SAAL1: variants seen among roughly 807,000 people sequenced by gnomAD.
SAAL1 encodes protein SAAL1.
In SAAL1, 42 loss-of-function variants were observed where a neutral mutation model predicts 59.8. The ratio of observed to expected loss-of-function variants is 0.70; its 90% CI spans 0.55 to 0.91. The LOEUF is 0.91. Ranked by LOEUF, SAAL1 falls within the 40% of genes least tolerant of loss-of-function variation. The probability of loss-of-function intolerance (pLI) is 0.00; values close to 1 mark genes in which losing one functional copy is unlikely to be tolerated. For synonymous variants in SAAL1, 191 were observed against 194.3 expected (o/e 0.98, Z 0.14); for missense variants, 542 against 561.1 (o/e 0.97, Z 0.34).
intron 10 of SAAL1, among the ~76,000 whole-genome samples, chr11:18,082,443 T>C (rs1227341711): frequency 6.6e-6 from 1 of 151,072 alleles, no homozygotes; most frequent in Non-Finnish European, 1.5e-5. Flanking sequence ...CATTTTCACA[T>C]ATAAATAGCA....
chr11:18,099,540 G>C (rs1258231126), intron 2 of SAAL1, among the ~76,000 whole-genome samples: 1 of 152,160 alleles, frequency 6.6e-6, no homozygotes, highest in South Asian at 2.1e-4. Flanking sequence ...GATAAAGCGG[G>C]CTACTTTAGA....
chr11:18,082,162 A>T (rs1435070120), intron 10 of SAAL1, among the ~76,000 whole-genome samples: 1 of 152,196 alleles, frequency 6.6e-6, no homozygotes, highest in African/African-American at 2.4e-5. Context: ...AGAAATATCG[A>T]TGTCCCTTGC....
rs1408137773 is a variant in SAAL1, at chr11:18,106,009, A to T, written c.33T>A (p.Gly11=). The T allele has an allele frequency of 6.3e-7, 1 of 1,591,824 alleles. No individual in the cohort carries two copies. Among genetic ancestry groups the T allele is most frequent in the African/African-American group, 1.3e-5 (1 of 74,618 alleles). ...CCTCCTCCTCCTCCTCCTTGTCGCG[A>T]CCCGGCGGCGGCGGCGAGGGGTTGC... is the stretch of plus-strand genomic sequence containing the variant. MDRNPSPPPP[G]RDKEEEEEVA... Residue 11 remains glycine, a synonymous_variant, in exon 1 of 12, where the codon GGT becomes GGA. Transcript: ENST00000524803.
chr11:18,105,992 T>A lies in SAAL1; in HGVS notation c.50A>T (p.Glu17Val). 1 of 1,609,816 alleles carries A rather than the reference T, an allele frequency of 6.2e-7. No homozygotes were observed. Reference protein sequence around the residue: ...PPPPGRDKEEEEEVAGGDCIG... With the variant: ...PPPPGRDKEEVEEVAGGDCIG... The stretch of plus-strand genomic sequence containing the variant: ...GCAGTCTCCACCGGCCACCTCCTCC[T>A]CCTCCTCCTTGTCGCGACCCGGCGG... Residue 17 changes from glutamate to valine, a missense_variant, in exon 1 of 12, where the codon GAG (glutamate) becomes GTG (valine). Transcript: ENST00000524803.
chr11:18,103,828 G>A (rs1848660924), intron 1 of SAAL1, among the ~76,000 whole-genome samples: 1 of 152,206 alleles, frequency 6.6e-6, no homozygotes, highest in Non-Finnish European at 1.5e-5. Context: ...TGGTAGGAAA[G>A]TGCTCAGTAA....
At chr11:18,084,907 AG>A (rs1848447166) in intron 9 of SAAL1, among the ~76,000 whole-genome samples, 1 of 152,144 alleles carries the variant, frequency 6.6e-6, no homozygotes, top group South Asian at 2.1e-4. Flanking sequence ...CTGAGATTAC[AG>A]GCATGCGTCA....
intron 9 of SAAL1, among the ~76,000 whole-genome samples, chr11:18,084,154 T>C (rs568482570): frequency 6.6e-6 from 1 of 152,324 alleles, no homozygotes; most frequent in East Asian, 1.9e-4. Flanking sequence ...CTGAGCAATA[T>C]GGTGAAACCG....
Position 18,083,657 on chromosome 11 carries a change from A to G in SAAL1, c.1117T>C (p.Ser373Pro), listed in dbSNP as rs531706343. The G allele has an allele frequency of 6.6e-5, 107 of 1,611,692 alleles. No homozygotes were observed. The highest frequency in any genetic ancestry group is 8.8e-5 in the Non-Finnish European group (104 of 1,178,430). Residue 373 changes from serine to proline, a missense_variant, in exon 10 of 12, where the codon TCG becomes CCG. Physicochemically the swap from Ser to Pro is moderately conservative, Grantham distance 74. Transcript: ENST00000524803. Reference sequence around the variant, plus strand: ...GTTTCCTCTGTGTTAGACTCTGCCGAGTTCTCTGGTTTTTTCTGACACTGT... The same window carrying G: ...GTTTCCTCTGTGTTAGACTCTGCCGGGTTCTCTGGTTTTTTCTGACACTGT... ...MEQCQKKPEN[S>P]AESNTEETKR...
intron 7 of SAAL1, among the ~76,000 whole-genome samples, chr11:18,087,678 T>C (rs1009180310): frequency 1.3e-5 from 2 of 152,204 alleles, no homozygotes; most frequent in African/African-American, 2.4e-5. Context: ...ACTAAAACCA[T>C]GTAAGTCTAA....
chr11:18,081,461 G>A lies in SAAL1; in HGVS notation c.1282C>T (p.Gln428Ter). The A allele has an allele frequency of 6.2e-7, 1 of 1,614,052 alleles. No individual in the cohort carries two copies. Among genetic ancestry groups the A allele is most frequent in the Non-Finnish European group, 8.5e-7 (1 of 1,179,976 alleles). The change falls in exon 11 of 12, where the codon CAG (glutamine) becomes TAG (stop). Residue 428 changes from glutamine (Q) to a stop codon, truncating the protein, a stop_gained. Coordinates refer to ENST00000524803, the MANE Select transcript of SAAL1 (RefSeq NM_138421.3). LOFTEE classifies it high-confidence loss of function. ...QGVKEGQLSKQKCSSAFQNLL... is the reference protein window; with the variant it reads ...QGVKEGQLSK ...TTTTGAAATGCAGAGGAACACTTCT[G>A]TTTGCTCAACTGGCCTTCCTTTACT...
chr11:18,089,911 A>G (rs1252111799), intron 6 of SAAL1, among the ~76,000 whole-genome samples: 1 of 152,152 alleles, frequency 6.6e-6, no homozygotes, highest in Non-Finnish European at 1.5e-5. Flanking sequence ...TGAGCTGAGC[A>G]TGGCGGTGCA....
At chr11:18,105,771 C>T (rs1017038385) in intron 1 of SAAL1, 136 bp downstream of exon 1, 22 of 1,160,462 alleles carry the variant, frequency 1.9e-5, no homozygotes, top group Non-Finnish European at 2.4e-5. Context: ...ACGCAAGGAG[C>T]AAGGTCCCGC....
intron 1 of SAAL1, 26 bp downstream of exon 1, chr11:18,105,881 C>CCCACGCGTGGCGCGAGTTT: frequency 6.4e-7 from 1 of 1,569,780 alleles, no homozygotes; most frequent in Non-Finnish European, 8.6e-7. Context: ...GTAGGGACAC[C>CCCACGCGTGGCGCGAGTTT]CCACGCGTGG....
At chr11:18,096,741 G>C in intron 3 of SAAL1, 30 bp downstream of exon 3, 1 of 1,144,296 alleles carries the variant, frequency 8.7e-7, no homozygotes, top group Non-Finnish European at 1.3e-6. Context: ...TTGCTTCAAA[G>C]AAGAAGGCTT....
At chr11:18,089,594 A>G in intron 6 of SAAL1, 84 bp from the exon 7 acceptor site, 2 of 1,253,458 alleles carry the variant, frequency 1.6e-6, no homozygotes, top group East Asian at 2.6e-5. Context: ...AGCTATTCTA[A>G]GAAAACCAAA....
chr11:18,085,565 CA>C (rs1848455237), intron 9 of SAAL1, among the ~76,000 whole-genome samples: 1 of 152,058 alleles, frequency 6.6e-6, no homozygotes, highest in African/African-American at 2.4e-5. Flanking sequence ...ACGATGTCAA[CA>C]AAAATGTCAG....
chr11:18,092,899 T>A (rs1241148300), intron 3 of SAAL1, among the ~76,000 whole-genome samples: 1 of 152,202 alleles, frequency 6.6e-6, no homozygotes, highest in Non-Finnish European at 1.5e-5. Flanking sequence ...GCGAAATGCA[T>A]AATGTATTAG....
At chr11:18,081,685 T>C (rs535866629) in intron 10 of SAAL1, 182 bp from the exon 11 acceptor site, 50 of 581,988 alleles carry the variant, frequency 8.6e-5, no homozygotes, top group African/African-American at 6.3e-4. Context: ...CTGTCGTCTT[T>C]ACTTTAGTGA....
intron 1 of SAAL1, among the ~76,000 whole-genome samples, chr11:18,103,844 C>A (rs1478367501): frequency 2.0e-5 from 3 of 152,100 alleles, no homozygotes; most frequent in Non-Finnish European, 4.4e-5. Flanking sequence ...AGTAAGCCTG[C>A]CTTATTTGTT....
Sources: gnomAD v4.1 joint callset for allele counts (sites outside exome capture counted in the v4.1 genomes callset) on GRCh38, gnomAD v4.1.1 for gene constraint, MANE v1.5 for transcripts, NCBI Gene and HGNC (gene_info 2026-07-23, HGNC 2026-07-21) for gene names.